The following NKAIN3 variants were observed in gnomAD, a reference collection of about 807,000 sequenced individuals.
NKAIN3 encodes sodium/potassium-transporting ATPase subunit beta-1-interacting protein 3.
A neutral mutation model predicts 30.2 loss-of-function variants in NKAIN3; 25 were observed. That is an observed-to-expected ratio of 0.83 (90% CI 0.60 to 1.16). The LOEUF (loss-of-function observed/expected upper bound fraction) is 1.16, where lower values mean the gene tolerates loss of function less well. Ranked by LOEUF, NKAIN3 falls within the 50% of genes most tolerant of loss-of-function variation. The pLI, the probability that NKAIN3 is intolerant of heterozygous loss-of-function variation, is 0.00. For synonymous variants in NKAIN3, 91 were observed against 89.6 expected (o/e 1.02, Z -0.09); for missense variants, 225 against 254.1 (o/e 0.89, Z 0.78).
rs779698438 is a variant in NKAIN3, at chr8:62,779,931, A to G, written c.471+32802A>G. The stretch of plus-strand genomic sequence containing the variant: ...AGAACAAACAAAACCCCAAATTGAC[A>G]GAGAAAAGAAATAATAAAGATCAAA... On this transcript the variant is annotated intron_variant, in intron 4 of 6. Transcript: ENST00000623646. 6.2e-4 allele frequency among the ~76,000 whole-genome samples: 95 copies of G among 152,130 alleles called. 1 individual carries two copies. Among genetic ancestry groups the G allele is most frequent in the Non-Finnish European group, 7.4e-5 (5 of 68,010 alleles).
intron 1 of NKAIN3, among the ~76,000 whole-genome samples, chr8:62,387,520 A>G (rs982176516): frequency 3.3e-5 from 5 of 152,236 alleles, no homozygotes; most frequent in African/African-American, 1.2e-4. Flanking sequence ...ACATTCAGAA[A>G]GGACCCATTA....
In NKAIN3 at chr8:62,948,374, A is replaced by G. The variant is rs531255089; in HGVS notation, c.533-5528A>G. 1.2e-3 allele frequency among the ~76,000 whole-genome samples: 179 copies of G among 151,862 alleles called. 1 individual carries two copies. Among genetic ancestry groups the G allele is most frequent in the African/African-American group, 4.2e-3 (175 of 41,410 alleles). The stretch of plus-strand genomic sequence containing the variant: ...GCCACCACGCCCAGTTAATTTTTGT[A>G]TTTTTAGTATAGATGGTGTTTCACC... On this transcript the variant is annotated intron_variant, in intron 5 of 6. Transcript: ENST00000623646.
chr8:62,319,083 T>C (rs1169650989), intron 1 of NKAIN3, among the ~76,000 whole-genome samples: 1 of 152,226 alleles, frequency 6.6e-6, no homozygotes, highest in Non-Finnish European at 1.5e-5. Context: ...TGTCAAGGAA[T>C]TTATCCATTT....
intron 4 of NKAIN3, among the ~76,000 whole-genome samples, chr8:62,756,557 T>C (rs1241273777): frequency 1.3e-5 from 2 of 152,172 alleles, no homozygotes; most frequent in African/African-American, 4.8e-5. Flanking sequence ...GAGAGGAATT[T>C]AGGCAATCCA....
At chr8:62,863,012 C>A in intron 4 of NKAIN3, 1 of 602,640 alleles carries the variant, frequency 1.7e-6, no homozygotes. Context: ...GGTATGTAAC[C>A]ACACGTGTAC....
At chr8:62,637,532 G>A (rs1350490224) in intron 3 of NKAIN3, among the ~76,000 whole-genome samples, 2 of 152,150 alleles carry the variant, frequency 1.3e-5, no homozygotes, top group Non-Finnish European at 2.9e-5. Context: ...CTCTTTATCT[G>A]TATTTAGTGT....
chr8:62,589,024 AT>A (rs924163938), intron 2 of NKAIN3, among the ~76,000 whole-genome samples: 31 of 151,958 alleles, frequency 2.0e-4, no homozygotes, highest in African/African-American at 6.7e-4. Context: ...GGGAGAAGGT[AT>A]TTCCTAATAC....
At chr8:62,758,690 C>T (rs1055827395) in intron 4 of NKAIN3, among the ~76,000 whole-genome samples, 86 of 152,222 alleles carry the variant, frequency 5.6e-4, no homozygotes, top group African/African-American at 1.9e-3. Flanking sequence ...GATGTGGACA[C>T]ATGATGAATC....
chr8:62,610,287 G>A (rs530626977), intron 3 of NKAIN3, among the ~76,000 whole-genome samples: 2 of 151,570 alleles, frequency 1.3e-5, no homozygotes, highest in South Asian at 4.2e-4. Context: ...AGAAGTTGCA[G>A]TGAGCCAAGA....
chr8:62,567,846 A>G (rs1308864980), intron 1 of NKAIN3, among the ~76,000 whole-genome samples: 1 of 152,176 alleles, frequency 6.6e-6, no homozygotes, highest in Non-Finnish European at 1.5e-5. Flanking sequence ...TAAAGTAAAA[A>G]GATTATAAAG....
chr8:62,615,959 T>C (rs1356847315), intron 3 of NKAIN3, among the ~76,000 whole-genome samples: 1 of 152,124 alleles, frequency 6.6e-6, no homozygotes, highest in African/African-American at 2.4e-5. Context: ...TTTTGATTCT[T>C]ATGAAGGTGT....
At chr8:62,710,467 T>C (rs938742803) in intron 3 of NKAIN3, among the ~76,000 whole-genome samples, 1 of 152,196 alleles carries the variant, frequency 6.6e-6, no homozygotes, top group Non-Finnish European at 1.5e-5. Context: ...TTCACCATTA[T>C]ATAATGTCCC....
At chr8:62,525,020 C>A (rs568808253) in intron 1 of NKAIN3, among the ~76,000 whole-genome samples, 1 of 152,260 alleles carries the variant, frequency 6.6e-6, no homozygotes, top group East Asian at 1.9e-4. Flanking sequence ...GAAGAGGCTA[C>A]TGTGGTAGGG....
rs1229025682 is a variant in NKAIN3 at position 62,984,285 on chromosome 8, T to C, written c.*18878T>C. The C allele has an allele frequency of 6.6e-6, 1 of 152,230 alleles. No homozygotes were observed. Among genetic ancestry groups the C allele is most frequent in the Non-Finnish European group, 1.5e-5 (1 of 68,046 alleles). The allele number at this position is 152,230 out of a possible 1,614,324, so 9.4% of individuals were successfully genotyped here. On this transcript the variant is annotated 3_prime_UTR_variant, in exon 7 of 7. Transcript: ENST00000623646. ...AGTACCTAGGGCATTTCATTATATT[T>C]CAAAGGCACAGGTTGCTGGTAAGAG...
At chr8:62,762,037 T>C (rs2130618198) in intron 4 of NKAIN3, among the ~76,000 whole-genome samples, 2 of 152,306 alleles carry the variant, frequency 1.3e-5, no homozygotes, top group African/African-American at 4.8e-5. Flanking sequence ...GTAGCATTGC[T>C]GGACATGGTA....
intron 1 of NKAIN3, among the ~76,000 whole-genome samples, chr8:62,488,839 G>T (rs1806982161): frequency 6.6e-6 from 1 of 152,122 alleles, no homozygotes; most frequent in Non-Finnish European, 1.5e-5. Flanking sequence ...GGGGTAGTTA[G>T]CTTCCAGGAC....
At chr8:62,254,935 T>C (rs1453252082) in intron 1 of NKAIN3, among the ~76,000 whole-genome samples, 1 of 152,234 alleles carries the variant, frequency 6.6e-6, no homozygotes, top group Non-Finnish European at 1.5e-5. Flanking sequence ...TAACAGAGCA[T>C]TTTGTTTTTA....
At chr8:62,353,724 A>G (rs1467460736) in intron 1 of NKAIN3, among the ~76,000 whole-genome samples, 1 of 152,116 alleles carries the variant, frequency 6.6e-6, no homozygotes, top group Non-Finnish European at 1.5e-5. Flanking sequence ...TAAATTTCCT[A>G]CCCTTATAGA....
intron 5 of NKAIN3, among the ~76,000 whole-genome samples, chr8:62,941,893 G>T (rs1822965343): frequency 6.6e-6 from 1 of 151,960 alleles, no homozygotes; most frequent in South Asian, 2.1e-4. Context: ...ATTCAACACA[G>T]TACTGGAAGT....
Sources: allele counts gnomAD v4.1 joint callset (sites outside exome capture counted in the v4.1 genomes callset), GRCh38; gene constraint gnomAD v4.1.1; transcripts MANE v1.5; gene names NCBI Gene and HGNC (gene_info 2026-07-23, HGNC 2026-07-21).